Variants in NPDC1 observed in about 807,000 individuals in gnomAD.
NPDC1 encodes neural proliferation differentiation and control protein 1.
A neutral mutation model predicts 32.5 loss-of-function variants in NPDC1; 18 were observed. The ratio of observed to expected loss-of-function variants is 0.55; its 90% confidence interval spans 0.38 to 0.82. The LOEUF is 0.82. NPDC1 is among the 40% of genes least tolerant of loss of function. The probability of loss-of-function intolerance (pLI) is 0.00; values close to 1 mark genes in which losing one functional copy is unlikely to be tolerated. For synonymous variants in NPDC1, 210 were observed against 184.7 expected (o/e 1.14, Z -1.11); for missense variants, 468 against 406.6 (o/e 1.15, Z -1.30).
At chr9:137,045,792 G>GGCC in intron 1 of NPDC1, 86 bp downstream of exon 1, 1 of 884,586 alleles carries the variant, frequency 1.1e-6, no homozygotes, top group South Asian at 5.1e-5. Flanking sequence ...GGCAGGACGA[G>GGCC]GGCGGCGGCG....
Position 137,040,798 on chromosome 9 carries a change from C to T in NPDC1, c.556+16G>A. ...GGGCGCCCTGCTGCCCCTGCCCACCCCCGACCAAGACCTACCAAGGGCGAG... is the reference window on the plus strand; with the variant it reads ...GGGCGCCCTGCTGCCCCTGCCCACCTCCGACCAAGACCTACCAAGGGCGAG... On this transcript the variant is annotated intron_variant, in intron 4 of 8. Transcript: ENST00000371601. 1 of 1,587,716 alleles carries T rather than the reference C, an allele frequency of 6.3e-7. No homozygotes were observed. The highest frequency in any genetic ancestry group is 8.5e-7 in the Non-Finnish European group (1 of 1,172,344).
intron 7 of NPDC1, 131 bp from the exon 8 acceptor site, chr9:137,040,198 G>C (rs928853826): frequency 2.7e-6 from 2 of 737,890 alleles, no homozygotes; most frequent in Non-Finnish European, 4.6e-6. Flanking sequence ...AGTTGGCCAG[G>C]GGAGGTGAGG....
chr9:137,044,312 G>A (rs746720604), intron 1 of NPDC1, among the ~76,000 whole-genome samples: 27 of 152,324 alleles, frequency 1.8e-4, no homozygotes, highest in Non-Finnish European at 3.7e-4. Flanking sequence ...TCAGTGGGCC[G>A]GGACTTGGGC....
Position 137,040,886 on chromosome 9 carries a change from G to T in NPDC1, c.484C>A (p.Pro162Thr). ...ATGTGCACCGGGTCGGATGACACAG[G>T]GGAGCCCAGGGAGGTGTGGGGCGTG... is the stretch of plus-strand genomic sequence containing the variant. ...TPTPHTSLGS[P>T]VSSDPVHMSP... Residue 162 changes from proline to threonine, a missense_variant, in exon 4 of 9, where the codon CCT becomes ACT. Physicochemically the swap from Pro to Thr is conservative, Grantham distance 38. Coordinates refer to ENST00000371601, the MANE Select transcript of NPDC1 (RefSeq NM_015392.4). The T allele has an allele frequency of 6.3e-7, 1 of 1,590,970 alleles. No individual in the cohort carries two copies.
chr9:137,040,719 C>A lies in NPDC1; in HGVS notation c.575G>T (p.Cys192Phe), dbSNP rs558554176. 6.9e-6 allele frequency: 11 copies of A among 1,590,124 alleles called. No homozygotes were observed. The highest frequency in any genetic ancestry group is 6.7e-5 in the African/African-American group (5 of 74,976). ...GLALVLILAF[C>F]VAGAAALSVA... ...GGAGAGGGCGGCTGCACCGGCCACACAGAACGCCAGGATCAGCACTGCAGG... is the reference window on the plus strand; with the variant it reads ...GGAGAGGGCGGCTGCACCGGCCACAAAGAACGCCAGGATCAGCACTGCAGG... The change falls in exon 5 of 9, where the codon TGT becomes TTT. Residue 192 changes from cysteine (C) to phenylalanine (F), a missense_variant. By Grantham distance (205) the Cys-to-Phe change is radical. Coordinates refer to ENST00000371601, the MANE Select transcript of NPDC1 (RefSeq NM_015392.4).
In NPDC1 at chr9:137,039,487, T is replaced by C. The variant is rs1832011610; in HGVS notation, c.*285A>G. 5.6e-6 allele frequency: 2 copies of C among 359,744 alleles called. No individual in the cohort carries two copies. The highest frequency in any genetic ancestry group is 9.0e-5 in the Admixed American group (2 of 22,182). The allele number at this position is 359,744 out of a possible 1,614,324, so 22.3% of individuals were successfully genotyped here. A position where few individuals can be genotyped will look rare whatever the true frequency, so the allele number is the denominator to read the frequency against. ...GCCGCAGGTCTGAAATGGACTTTAA[T>C]TGGCTTTTGTCTCTAGAATTACCCA... On this transcript the variant is annotated 3_prime_UTR_variant, in exon 9 of 9. Coordinates refer to ENST00000371601, the MANE Select transcript of NPDC1 (RefSeq NM_015392.4).
intron 2 of NPDC1, among the ~76,000 whole-genome samples, 156 bp from the exon 3 acceptor site, chr9:137,041,343 G>C (rs913530880): frequency 6.6e-5 from 10 of 152,206 alleles, no homozygotes; most frequent in Admixed American, 1.3e-4. Flanking sequence ...TGACAGCGCG[G>C]GCGCTTCCTG....
At position 137,039,752 on chromosome 9, in the gene NPDC1, G is replaced by A; in HGVS notation, c.*20C>T. ...GGGCCTCGAGGTCGGGGAGCAGGTGGGCGTCTGTCTGCCTCCAGGTCATGG... is the reference window on the plus strand; with the variant it reads ...GGGCCTCGAGGTCGGGGAGCAGGTGAGCGTCTGTCTGCCTCCAGGTCATGG... On this transcript the variant is annotated 3_prime_UTR_variant, in exon 9 of 9. Transcript: ENST00000371601. The A allele has an allele frequency of 2.7e-6, 2 of 744,950 alleles. No homozygotes were observed. Among genetic ancestry groups the A allele is most frequent in the Admixed American group, 1.9e-5 (1 of 54,040 alleles). 46.1% of individuals were successfully genotyped at this position (744,950 alleles called of 1,614,324 possible). A position where few individuals can be genotyped will look rare whatever the true frequency, so the allele number is the denominator to read the frequency against.
At position 137,040,996 on chromosome 9, in the gene NPDC1, G is replaced by A. The variant is rs767372609; in HGVS notation, c.386-12C>T. On this transcript the variant is annotated splice_polypyrimidine_tract_variant and intron_variant, in intron 3 of 8. Coordinates refer to ENST00000371601, the MANE Select transcript of NPDC1 (RefSeq NM_015392.4). ...GAAGCCCAGGGTGGCTGCGAGAGAGGACAGGTTAGAATGAGAGCACTGGGC... is the reference window on the plus strand; with the variant it reads ...GAAGCCCAGGGTGGCTGCGAGAGAGAACAGGTTAGAATGAGAGCACTGGGC... 2.1e-5 allele frequency: 32 copies of A among 1,530,232 alleles called. No homozygotes were observed. In the South Asian group the frequency reaches 2.7e-4, roughly 13 times the overall value. 94.8% of individuals were successfully genotyped at this position (1,530,232 alleles called of 1,614,324 possible).
chr9:137,042,725 A>AAT, intron 2 of NPDC1: 1 of 570,136 alleles, frequency 1.8e-6, no homozygotes, highest in Non-Finnish European at 3.1e-6. Context: ...ACACCCGGCT[A>AAT]CTTTGTATTT....
At position 137,046,168 on chromosome 9, in the gene NPDC1, GC is replaced by G. The variant is rs1347698172; in HGVS notation, c.-180del. On this transcript the variant is annotated 5_prime_UTR_variant, in exon 1 of 9. Coordinates refer to ENST00000371601, the MANE Select transcript of NPDC1 (RefSeq NM_015392.4). ...CACGGGCGGCGGCGCTGACGCTGCA[GC>G]AAGGATCCGGGATGGAGGCGCCGGC... is the stretch of plus-strand genomic sequence containing the variant. The G allele has an allele frequency of 9.1e-7, 1 of 1,099,670 alleles. No homozygotes were observed. The highest frequency in any genetic ancestry group is 1.1e-6 in the Non-Finnish European group (1 of 903,106). The allele number at this position is 1,099,670 out of a possible 1,614,324, so 68.1% of individuals were successfully genotyped here.
chr9:137,039,666 A>G lies in NPDC1; in HGVS notation c.*106T>C. 1.6e-6 allele frequency: 1 copy of G among 606,220 alleles called. No individual in the cohort carries two copies. The highest frequency in any genetic ancestry group is 3.0e-6 in the Non-Finnish European group (1 of 338,386). 37.6% of individuals were successfully genotyped at this position (606,220 alleles called of 1,614,324 possible). ...AGGGCCTGGAGCCCGAGGCCCAGCCAAAAGCACACAGCATCAAAACATGTT... is the reference window on the plus strand; with the variant it reads ...AGGGCCTGGAGCCCGAGGCCCAGCCGAAAGCACACAGCATCAAAACATGTT... On this transcript the variant is annotated 3_prime_UTR_variant, in exon 9 of 9. Coordinates refer to ENST00000371601, the MANE Select transcript of NPDC1 (RefSeq NM_015392.4).
rs763060646 is a variant in NPDC1, at chr9:137,039,808, G to A, written c.942C>T (p.Pro314=). The change falls in exon 9 of 9, where the codon CCC becomes CCT. Residue 314 remains proline, a synonymous_variant. Transcript: ENST00000371601. ...CAGGCGGTGAGCTGGGGGCCGGCAG[G>A]GGCGCGGACAGTGCGGCGTGGTCGA... ...PLFDHAALSA[P]LPAPSSPPAL... 6.4e-6 allele frequency: 5 copies of A among 777,272 alleles called. No individual in the cohort carries two copies. The highest frequency in any genetic ancestry group is 4.9e-5 in the East Asian group (2 of 41,212). The allele number at this position is 777,272 out of a possible 1,614,324, so 48.1% of individuals were successfully genotyped here. A position where few individuals can be genotyped will look rare whatever the true frequency, so the allele number is the denominator to read the frequency against.
chr9:137,040,684 G>A lies in NPDC1; in HGVS notation c.610C>T (p.Leu204Phe), dbSNP rs1199563671. ...CCACTGGCTCACCTGCACCAGCAGA[G>A]GGAGGCTACGGAGAGGGCGGCTGCA... ...AGAAALSVAS[L>F]CWCRLQREIR... Residue 204 changes from leucine to phenylalanine, a missense_variant, in exon 5 of 9, where the codon CTC becomes TTC. Leu to Phe is a conservative substitution (Grantham distance 22). Transcript: ENST00000371601. The A allele has an allele frequency of 1.9e-6, 3 of 1,582,458 alleles. No homozygotes were observed. Among genetic ancestry groups the A allele is most frequent in the South Asian group, 2.3e-5 (2 of 87,472 alleles).
In NPDC1 at chr9:137,043,078, G is replaced by A; in HGVS notation, c.113-5C>T. 2 of 1,612,256 alleles carry A rather than the reference G, an allele frequency of 1.2e-6. No individual in the cohort carries two copies. Among genetic ancestry groups the A allele is most frequent in the Non-Finnish European group, 1.7e-6 (2 of 1,179,700 alleles). Reference sequence around the variant, plus strand: ...TCCCGGGACAGGCGGCTACATCTGGGAAGGAAGCAGAAGGCAGGGCCGGCT... The same window carrying A: ...TCCCGGGACAGGCGGCTACATCTGGAAAGGAAGCAGAAGGCAGGGCCGGCT... On this transcript the variant is annotated splice_polypyrimidine_tract_variant and splice_region_variant and intron_variant, in intron 1 of 8. Coordinates refer to ENST00000371601, the MANE Select transcript of NPDC1 (RefSeq NM_015392.4).
At chr9:137,043,196 C>CCATTGTTCTGGA (rs1832083969) in intron 1 of NPDC1, 123 bp from the exon 2 acceptor site, 1 of 1,109,206 alleles carries the variant, frequency 9.0e-7, no homozygotes, top group Admixed American at 2.0e-5. Context: ...CTGGTTCTGG[C>CCATTGTTCTGGA]CATTGTTCTG....
rs1361108769 is a variant in NPDC1 at position 137,040,515 on chromosome 9, G to A, written c.707C>T (p.Ser236Leu). The A allele has an allele frequency of 5.0e-6, 8 of 1,589,204 alleles. No homozygotes were observed. The highest frequency in any genetic ancestry group is 2.3e-5 in the South Asian group (2 of 88,104). Residue 236 changes from serine to leucine, a missense_variant and splice_region_variant, in exon 6 of 9, where the codon TCG becomes TTG. Coordinates refer to ENST00000371601, the MANE Select transcript of NPDC1 (RefSeq NM_015392.4). ...TCAGGGCTGAAGGGGGCCACACACC[G>A]AGATCCGGGGAGCTGCAGGTGAGCC... ...APGSPAAPRISPGDQRLAQSA... is the reference protein window; with the variant it reads ...APGSPAAPRILPGDQRLAQSA...
intron 6 of NPDC1, 24 bp from the exon 7 acceptor site, chr9:137,040,460 T>C (rs1371953073): frequency 6.4e-7 from 1 of 1,562,442 alleles, no homozygotes; most frequent in Non-Finnish European, 8.7e-7. Context: ...GAGGCGAGGG[T>C]CAGTTGGCGG....
rs770947566 is a variant in NPDC1 at position 137,040,821 on chromosome 9, G to A, written c.549C>T (p.Leu183=). 6 of 1,593,972 alleles carry A rather than the reference G, an allele frequency of 3.8e-6. No homozygotes were observed. The highest frequency in any genetic ancestry group is 3.4e-5 in the Admixed American group (2 of 58,224). Residue 183 remains leucine, a synonymous_variant, in exon 4 of 9, where the codon CTC becomes CTT. Coordinates refer to ENST00000371601, the MANE Select transcript of NPDC1 (RefSeq NM_015392.4). ...CCCCCGACCAAGACCTACCAAGGGCGAGGCCGTCGCCTTGCCCTCCCCGGG... is the reference window on the plus strand; with the variant it reads ...CCCCCGACCAAGACCTACCAAGGGCAAGGCCGTCGCCTTGCCCTCCCCGGG... ...LEPRGGQGDG[L]ALVLILAFCV...
Sources: gnomAD v4.1 joint callset for allele counts (sites outside exome capture counted in the v4.1 genomes callset) on GRCh38, gnomAD v4.1.1 for gene constraint, MANE v1.5 for transcripts, NCBI Gene and HGNC (gene_info 2026-07-23, HGNC 2026-07-21) for gene names.